Variants in PRKG2 observed in about 807,000 individuals in gnomAD.
The protein encoded by PRKG2 is protein kinase cGMP-dependent 2, also known as cGMP-dependent protein kinase 2.
In PRKG2, 33 loss-of-function variants were observed where a neutral mutation model predicts 97.2. That is an observed-to-expected ratio of 0.34 (90% CI 0.26 to 0.45). The LOEUF is 0.45. Ranked by LOEUF, PRKG2 falls within the 20% of genes least tolerant of loss-of-function variation. The probability of loss-of-function intolerance (pLI) is 1.00; values close to 1 mark genes in which losing one functional copy is unlikely to be tolerated. For synonymous variants in PRKG2, 330 were observed against 321.8 expected, an observed-to-expected ratio of 1.03 and a Z score of -0.27; for missense variants, 638 against 900.0, an observed-to-expected ratio of 0.71 and a Z score of 3.73.
chr4:81,180,238 A>C (rs916019440), intron 2 of PRKG2, among the ~76,000 whole-genome samples: 7 of 152,198 alleles, frequency 4.6e-5, no homozygotes, highest in Non-Finnish European at 1.5e-5. Flanking sequence ...ATGGCAAACA[A>C]AAAGAGAAAT....
chr4:81,096,480 A>T (rs1462437116), intron 17 of PRKG2, among the ~76,000 whole-genome samples: 2 of 152,130 alleles, frequency 1.3e-5, no homozygotes, highest in Non-Finnish European at 2.9e-5. Flanking sequence ...AGGCTGCAGT[A>T]AGCCCTAATC....
rs1257611462 is a variant in PRKG2 at position 81,154,011 on chromosome 4, G to A, written c.913-290C>T. On this transcript the variant is annotated intron_variant, in intron 6 of 18. Transcript: ENST00000264399. ...TAGTCAAAGAAAGGGGTGATGGACA[G>A]CACCTGGAAAATCGGGTCACTCTCA... is the stretch of plus-strand genomic sequence containing the variant. 3.0e-5 allele frequency: 7 copies of A among 231,446 alleles called. 1 individual carries two copies. The South Asian group carries it at 4.9e-4, about 16-fold the overall frequency. 14.3% of individuals were successfully genotyped at this position (231,446 alleles called of 1,614,324 possible).
At chr4:81,164,487 G>A (rs947440002) in intron 6 of PRKG2, among the ~76,000 whole-genome samples, 2 of 151,992 alleles carry the variant, frequency 1.3e-5, no homozygotes, top group Admixed American at 6.6e-5. Context: ...GTGTTGGTAA[G>A]GACTACAAGA....
At chr4:81,170,461 T>C (rs1313281909) in intron 4 of PRKG2, among the ~76,000 whole-genome samples, 1 of 152,072 alleles carries the variant, frequency 6.6e-6, no homozygotes, top group East Asian at 1.9e-4. Context: ...GCCTCTAAAA[T>C]TGATCAAAAC....
intron 6 of PRKG2, among the ~76,000 whole-genome samples, chr4:81,165,790 C>T (rs1268427815): frequency 6.6e-6 from 1 of 151,976 alleles, no homozygotes; most frequent in Non-Finnish European, 1.5e-5. Flanking sequence ...TAGCAATTGC[C>T]TGTGGCTGCT....
intron 2 of PRKG2, among the ~76,000 whole-genome samples, chr4:81,187,837 G>A (rs1435932575): frequency 6.6e-6 from 1 of 151,496 alleles, no homozygotes; most frequent in African/African-American, 2.4e-5. Context: ...AAACAGAACT[G>A]GATCCCTTCC....
At chr4:81,123,362 T>G (rs1745244174) in intron 14 of PRKG2, among the ~76,000 whole-genome samples, 1 of 152,204 alleles carries the variant, frequency 6.6e-6, no homozygotes, top group Non-Finnish European at 1.5e-5. Flanking sequence ...ATCCTCATAT[T>G]TTAAGCATAT....
chr4:81,162,199 G>A (rs1173452260), intron 6 of PRKG2, among the ~76,000 whole-genome samples: 4 of 152,106 alleles, frequency 2.6e-5, no homozygotes, highest in Admixed American at 1.3e-4. Flanking sequence ...GTACCTGATG[G>A]AATGTTTAGT....
chr4:81,186,786 A>T (rs574487101), intron 2 of PRKG2, among the ~76,000 whole-genome samples: 1 of 152,334 alleles, frequency 6.6e-6, no homozygotes, highest in South Asian at 2.1e-4. Context: ...CAAACGATAA[A>T]GGGGATATCA....
intron 6 of PRKG2, 102 bp downstream of exon 6, chr4:81,167,059 G>A: frequency 1.2e-6 from 1 of 859,778 alleles, no homozygotes; most frequent in Non-Finnish European, 1.8e-6. Flanking sequence ...GGTCTCTGTA[G>A]ACTGGTGCTC....
chr4:81,090,708 C>A (rs1325138186), intron 18 of PRKG2, among the ~76,000 whole-genome samples: 1 of 152,094 alleles, frequency 6.6e-6, no homozygotes, highest in Non-Finnish European at 1.5e-5. Context: ...GGTGGAGGAA[C>A]AGAGCTAGAG....
At chr4:81,150,032 T>C (rs918719368) in intron 8 of PRKG2, among the ~76,000 whole-genome samples, 1 of 152,146 alleles carries the variant, frequency 6.6e-6, no homozygotes, top group African/African-American at 2.4e-5. Flanking sequence ...TTCAGTTTCA[T>C]GGACCTTTGA....
At chr4:81,124,752 A>AC (rs1488677439) in intron 14 of PRKG2, among the ~76,000 whole-genome samples, 1 of 152,096 alleles carries the variant, frequency 6.6e-6, no homozygotes, top group Non-Finnish European at 1.5e-5. Context: ...TTCCCGAGAG[A>AC]CCTCAAGCAA....
chr4:81,145,705 T>C (rs1460871040), intron 9 of PRKG2, among the ~76,000 whole-genome samples: 1 of 152,158 alleles, frequency 6.6e-6, no homozygotes, highest in South Asian at 2.1e-4. Context: ...CAACAATCCA[T>C]CTTGACTGGT....
At chr4:81,136,836 G>A (rs1746753463) in intron 13 of PRKG2, among the ~76,000 whole-genome samples, 1 of 151,838 alleles carries the variant, frequency 6.6e-6, no homozygotes, top group Non-Finnish European at 1.5e-5. Flanking sequence ...ACTCATTAGA[G>A]GTAAAGTTTC....
chr4:81,202,918 G>C (rs1753407877), intron 2 of PRKG2, among the ~76,000 whole-genome samples: 1 of 151,976 alleles, frequency 6.6e-6, no homozygotes, highest in Admixed American at 6.6e-5. Context: ...CATATATAGG[G>C]AGAAGGTCAA....
chr4:81,102,614 T>C (rs1442924868), intron 17 of PRKG2, among the ~76,000 whole-genome samples: 2 of 152,212 alleles, frequency 1.3e-5, no homozygotes, highest in African/African-American at 2.4e-5. Context: ...TTTGATTCTA[T>C]AAAATCTACA....
At chr4:81,163,863 TAC>T (rs5859761) in intron 6 of PRKG2, among the ~76,000 whole-genome samples, 8,431 of 144,188 alleles carry the variant, frequency 0.058, 256 homozygotes, top group Middle Eastern at 0.099. Context: ...AGATGTATAG[TAC>T]ACACACACAC....
At chr4:81,182,682 A>T (rs1049440754) in intron 2 of PRKG2, among the ~76,000 whole-genome samples, 1 of 152,136 alleles carries the variant, frequency 6.6e-6, no homozygotes, top group Non-Finnish European at 1.5e-5. Context: ...CACCAATATC[A>T]ACAGGTGATT....
Sources: allele counts gnomAD v4.1 joint callset (sites outside exome capture counted in the v4.1 genomes callset), GRCh38; gene constraint gnomAD v4.1.1; transcripts MANE v1.5; gene names NCBI Gene and HGNC (gene_info 2026-07-23, HGNC 2026-07-21).